The following TRIM61 variants were observed in gnomAD, a reference collection of about 807,000 sequenced individuals.
TRIM61 encodes tripartite motif containing 61.
A neutral mutation model predicts 14.2 loss-of-function variants in TRIM61; 1 was observed. The ratio of observed to expected loss-of-function variants is 0.07; its 90% CI spans 0.03 to 0.33. The LOEUF (loss-of-function observed/expected upper bound fraction) is 0.33, where lower values mean the gene tolerates loss of function less well. TRIM61 is among the 10% of genes least tolerant of loss of function. The probability of loss-of-function intolerance (pLI) is 0.99; values close to 1 mark genes in which losing one functional copy is unlikely to be tolerated. For synonymous variants in TRIM61, 8 were observed against 71.6 expected (o/e 0.11, Z 4.49); for missense variants, 19 against 202.2 (o/e 0.09, Z 5.49).
chr4:164,956,399 T>A (rs1172118534), intron 3 of TRIM61, among the ~76,000 whole-genome samples: 4 of 152,048 alleles, frequency 2.6e-5, no homozygotes, highest in South Asian at 4.1e-4. Flanking sequence ...GAGTATTTCA[T>A]ACATCCATAA....
At chr4:164,964,323 G>C (rs1417830259) in intron 3 of TRIM61, among the ~76,000 whole-genome samples, 2 of 150,350 alleles carry the variant, frequency 1.3e-5, no homozygotes, top group Admixed American at 6.6e-5. Context: ...ACTCCAGCCT[G>C]GGTGACAGAG....
intron 3 of TRIM61, chr4:164,956,989 T>G (rs775351864): frequency 1.4e-6 from 2 of 1,456,372 alleles, no homozygotes; most frequent in East Asian, 5.0e-5. Context: ...TGGCGCGACG[T>G]TGGAGACCGG....
intron 2 of TRIM61, among the ~76,000 whole-genome samples, chr4:164,974,219 G>A (rs1244090333): frequency 6.6e-6 from 1 of 152,190 alleles, no homozygotes; most frequent in Admixed American, 6.5e-5. Context: ...TGGCTTATAA[G>A]GTTGCTAGTC....
chr4:164,955,711 G>A (rs1233312793), intron 3 of TRIM61, among the ~76,000 whole-genome samples: 3 of 152,040 alleles, frequency 2.0e-5, no homozygotes, highest in Non-Finnish European at 4.4e-5. Flanking sequence ...GGATATCAGG[G>A]ACCAGCCCCA....
At chr4:164,957,419 C>T (rs774987530) in intron 3 of TRIM61, 4 of 1,614,024 alleles carry the variant, frequency 2.5e-6, no homozygotes, top group South Asian at 1.1e-5. Context: ...CATCAGGTCC[C>T]AGCCTCTTTT....
chr4:164,958,967 C>T (rs1425063368), intron 3 of TRIM61: 1 of 167,074 alleles, frequency 6.0e-6, no homozygotes, highest in African/African-American at 2.4e-5. Context: ...CATACTCTAT[C>T]TTTCCCCACA....
chr4:164,974,805 A>C (rs1056274792), intron 2 of TRIM61, among the ~76,000 whole-genome samples: 1 of 152,174 alleles, frequency 6.6e-6, no homozygotes, highest in South Asian at 2.1e-4. Flanking sequence ...GGCTATGGTG[A>C]CTCCCAATAC....
At chr4:164,958,389 G>C in intron 3 of TRIM61, 1 of 166,986 alleles carries the variant, frequency 6.0e-6, no homozygotes, top group Non-Finnish European at 1.5e-5. Flanking sequence ...TTCTTCAAGT[G>C]ATATTTTTAT....
At chr4:164,975,569 G>A (rs1235185432) in intron 2 of TRIM61, among the ~76,000 whole-genome samples, 2 of 152,190 alleles carry the variant, frequency 1.3e-5, no homozygotes, top group African/African-American at 4.8e-5. Context: ...AGGTTTAAGG[G>A]ATCTAGGGCT....
rs748482634 is a variant in TRIM61 at position 164,955,025 on chromosome 4, CG to C, written c.596del (p.Pro199ArgfsTer13). 1.8e-5 allele frequency: 5 copies of C among 274,556 alleles called. No homozygotes were observed. The highest frequency in any genetic ancestry group is 3.0e-5 in the Non-Finnish European group (4 of 133,184). 17.0% of individuals were successfully genotyped at this position (274,556 alleles called of 1,614,324 possible). A position where few individuals can be genotyped will look rare whatever the true frequency, so the allele number is the denominator to read the frequency against. On this transcript the variant is annotated frameshift_variant, in exon 4 of 5. Coordinates refer to ENST00000329314, the MANE Select transcript of TRIM61 (RefSeq NM_001012414.3). LOFTEE classifies it high-confidence loss of function. ...CAGAGGCAGAAGAATCGCTTGATCC[CG>C]GGAGGCGGAGGTTGAAGTGAGCCGA...
intron 3 of TRIM61, among the ~76,000 whole-genome samples, chr4:164,960,849 G>T (rs1351065942): frequency 6.6e-6 from 1 of 151,932 alleles, no homozygotes; most frequent in Non-Finnish European, 1.5e-5. Context: ...TATTTGGGAG[G>T]CTGTGGCAGG....
At chr4:164,957,529 G>A (rs1319354897) in intron 3 of TRIM61, 1 of 1,553,634 alleles carries the variant, frequency 6.4e-7, no homozygotes, top group East Asian at 2.3e-5. Flanking sequence ...GCTCACAGGG[G>A]ACATCTGACA....
chr4:164,957,217 G>A (rs145634701), intron 3 of TRIM61: 2 of 1,613,866 alleles, frequency 1.2e-6, no homozygotes, highest in African/African-American at 2.7e-5. Flanking sequence ...ATCCAGGGAC[G>A]ACCACATTCG....
At chr4:164,962,087 C>T (rs1033574704) in intron 3 of TRIM61, among the ~76,000 whole-genome samples, 1 of 152,064 alleles carries the variant, frequency 6.6e-6, no homozygotes, top group Non-Finnish European at 1.5e-5. Context: ...GACCACTGTA[C>T]TGTATGTGGT....
intron 1 of TRIM61, 131 bp from the exon 2 acceptor site, chr4:164,976,956 C>A (rs1732496609): frequency 6.6e-6 from 1 of 152,050 alleles, no homozygotes; most frequent in Non-Finnish European, 1.5e-5. Context: ...ACTGTAAAAA[C>A]CCCTCACCAG....
intron 3 of TRIM61, chr4:164,957,287 G>T: frequency 6.2e-7 from 1 of 1,614,174 alleles, no homozygotes; most frequent in Non-Finnish European, 8.5e-7. Context: ...CGCGTGCCCT[G>T]TCAGCCGCTC....
At position 164,969,928 on chromosome 4, in the gene TRIM61, G is replaced by C. The variant is rs1255065832; in HGVS notation, c.75C>G (p.Asp25Glu). 3 of 1,613,714 alleles carry C rather than the reference G, an allele frequency of 1.9e-6. No individual in the cohort carries two copies. In the South Asian group the frequency reaches 3.3e-5, roughly 18 times the overall value. The change falls in exon 3 of 5, where the codon GAC becomes GAG. Residue 25 changes from aspartate to glutamate, a missense_variant. Asp to Glu is a conservative substitution (Grantham distance 45). This residue lies in a region of TRIM61 where 17 missense variants were observed against 105.5 expected (regional missense o/e 0.16). Transcript: ENST00000329314. ...TATGCCCACAGCTGATGGTCACTGG[G>C]TCTTTCAAGTAGTCCAGACAGATGG... is the stretch of plus-strand genomic sequence containing the variant.
chr4:164,972,185 G>A (rs1277418516), intron 2 of TRIM61, among the ~76,000 whole-genome samples: 1 of 152,202 alleles, frequency 6.6e-6, no homozygotes, highest in Non-Finnish European at 1.5e-5. Flanking sequence ...GAGGACACCA[G>A]GTTTGAATCC....
intron 2 of TRIM61, among the ~76,000 whole-genome samples, chr4:164,972,730 C>T (rs942329776): frequency 3.3e-5 from 5 of 152,218 alleles, no homozygotes; most frequent in South Asian, 4.1e-4. Flanking sequence ...TCCAAGTGAT[C>T]GGCCCACCTT....
Sources: gnomAD v4.1 joint callset for allele counts (sites outside exome capture counted in the v4.1 genomes callset) on GRCh38, gnomAD v4.1.1 for gene constraint, gnomAD v4.1.1 regional missense constraint, MANE v1.5 for transcripts, NCBI Gene and HGNC (gene_info 2026-07-23, HGNC 2026-07-21) for gene names.